WWOX: variants seen among roughly 807,000 people sequenced by gnomAD.
WWOX encodes WW domain containing oxidoreductase, also known as WW domain-containing oxidoreductase.
WWOX carries 69 observed loss-of-function variants against 46.2 expected under a neutral mutation model. The observed-to-expected ratio is 1.49, with a 90% confidence interval of 1.23 to 1.82. The LOEUF (loss-of-function observed/expected upper bound fraction) is 1.82, where lower values mean the gene tolerates loss of function less well. Ranked by LOEUF, WWOX falls within the 40% of genes most tolerant of loss-of-function variation. The pLI, the probability that WWOX is intolerant of heterozygous loss-of-function variation, is 0.00. For missense variants in WWOX, 919 were observed against 542.6 expected, an observed-to-expected ratio of 1.69 and a Z score of -6.89; for synonymous variants, 359 against 202.6, an observed-to-expected ratio of 1.77 and a Z score of -6.56.
intron 8 of WWOX, among the ~76,000 whole-genome samples, chr16:78,622,869 T>A (rs1213610420): frequency 6.6e-6 from 1 of 151,986 alleles, no homozygotes; most frequent in Admixed American, 6.6e-5. Flanking sequence ...AAGGGGAAAA[T>A]CCCTTAAAGA....
chr16:78,268,210 A>G (rs1296363122), intron 5 of WWOX, among the ~76,000 whole-genome samples: 1 of 152,240 alleles, frequency 6.6e-6, no homozygotes, highest in Non-Finnish European at 1.5e-5. Context: ...AAAAGTGGCT[A>G]CAAATAAAAG....
intron 8 of WWOX, chr16:78,897,589 GT>G (rs1423655459): frequency 2.6e-5 from 4 of 152,128 alleles, no homozygotes; most frequent in Admixed American, 6.5e-5. Context: ...TGAGCATTGG[GT>G]TGTTTATATT....
intron 5 of WWOX, among the ~76,000 whole-genome samples, chr16:78,379,908 TG>T (rs1282531382): frequency 3.9e-5 from 6 of 152,236 alleles, no homozygotes; most frequent in Admixed American, 3.9e-4. Context: ...CATGAGACGT[TG>T]CCTTTGAAGT....
intron 8 of WWOX, chr16:78,756,892 T>C: frequency 1.4e-6 from 1 of 703,024 alleles, no homozygotes; most frequent in Non-Finnish European, 2.6e-6. Context: ...GGCTAGACCA[T>C]AAAAATATTG....
chr16:79,153,892 G>A (rs936356905), intron 8 of WWOX, among the ~76,000 whole-genome samples: 2 of 152,110 alleles, frequency 1.3e-5, no homozygotes, highest in Admixed American at 6.5e-5. Context: ...GGCCCCTAAG[G>A]TTTGAAAGCG....
At chr16:79,123,743 G>A (rs1294847889) in intron 8 of WWOX, among the ~76,000 whole-genome samples, 1 of 152,110 alleles carries the variant, frequency 6.6e-6, no homozygotes, top group Non-Finnish European at 1.5e-5. Flanking sequence ...GTGAAATAAT[G>A]CCATTTAAAA....
chr16:78,953,927 G>A (rs1319632496), intron 8 of WWOX, among the ~76,000 whole-genome samples: 2 of 152,146 alleles, frequency 1.3e-5, no homozygotes, highest in Non-Finnish European at 2.9e-5. Flanking sequence ...AATTACTTCA[G>A]TAGTCATTTA....
intron 8 of WWOX, among the ~76,000 whole-genome samples, chr16:78,687,666 A>T (rs567932200): frequency 1.3e-5 from 2 of 152,210 alleles, no homozygotes; most frequent in Non-Finnish European, 2.9e-5. Context: ...AGCCTCTATT[A>T]CACAGTACTA....
chr16:78,837,142 C>A lies in WWOX; in HGVS notation c.1057-374466C>A, dbSNP rs560571820. On this transcript the variant is annotated intron_variant, in intron 8 of 8. Transcript: ENST00000566780. The stretch of plus-strand genomic sequence containing the variant: ...AGAAAAAGAAGAAAAAGAAAAAGAG[C>A]AGGTGGAAACTTAAAAAAATGTTTA... Among the ~76,000 whole-genome samples, 4 of 152,186 alleles carry A rather than the reference C, an allele frequency of 2.6e-5. No homozygotes were observed. The East Asian group carries it at 7.7e-4, about 29-fold the overall frequency.
chr16:78,376,339 A>G (rs914769396), intron 5 of WWOX, among the ~76,000 whole-genome samples: 2 of 152,174 alleles, frequency 1.3e-5, no homozygotes, highest in Non-Finnish European at 1.5e-5. Context: ...CTACAATACT[A>G]TGTTTTTAGG....
chr16:79,026,871 T>C (rs8044395), intron 8 of WWOX, among the ~76,000 whole-genome samples: 116,881 of 148,576 alleles, frequency 0.79, 46,263 homozygotes, highest in East Asian at 0.93. Flanking sequence ...CCTTGTGATC[T>C]GCCCACCTCA....
At chr16:78,644,417 T>C (rs1275815755) in intron 8 of WWOX, among the ~76,000 whole-genome samples, 1 of 152,114 alleles carries the variant, frequency 6.6e-6, no homozygotes, top group African/African-American at 2.4e-5. Context: ...ATGTGGGATA[T>C]ATAGCGTCAG....
intron 8 of WWOX, among the ~76,000 whole-genome samples, chr16:78,523,426 A>G (rs921617245): frequency 2.6e-5 from 4 of 152,210 alleles, no homozygotes; most frequent in Non-Finnish European, 5.9e-5. Flanking sequence ...TAACAATGCC[A>G]TCCGGTAATT....
intron 8 of WWOX, among the ~76,000 whole-genome samples, chr16:79,005,417 T>C (rs1264310695): frequency 6.6e-6 from 1 of 152,214 alleles, no homozygotes; most frequent in Non-Finnish European, 1.5e-5. Context: ...GCGTGCCACG[T>C]ACTAGGTGGC....
rs754297519 is a variant in WWOX, at chr16:78,147,696, TAAAAA to T, written c.410-16479_410-16475del. On this transcript the variant is annotated intron_variant, in intron 4 of 8. Coordinates refer to ENST00000566780, the MANE Select transcript of WWOX (RefSeq NM_016373.4). ...CTTCCTTTTTTTTTTTTTTTTTTTTTAAAAAAAAAAAAGGTGCTTGAATTAGAAAG... is the reference window on the plus strand; with the variant it reads ...CTTCCTTTTTTTTTTTTTTTTTTTTTAAAAAAAGGTGCTTGAATTAGAAAG... Among the ~76,000 whole-genome samples the T allele has an allele frequency of 2.8e-3, 290 of 104,866 alleles. 2 individuals are homozygous for T. Among genetic ancestry groups the T allele is most frequent in the African/African-American group, 7.6e-3 (204 of 26,790 alleles). 68.8% of individuals were successfully genotyped at this position (104,866 alleles called of 152,430 possible).
At chr16:79,133,295 A>G (rs1225415852) in intron 8 of WWOX, among the ~76,000 whole-genome samples, 3 of 152,138 alleles carry the variant, frequency 2.0e-5, no homozygotes, top group Non-Finnish European at 4.4e-5. Flanking sequence ...ACTTTCGTCA[A>G]TGAGACGCCA....
chr16:79,019,799 C>T (rs1180676468), intron 8 of WWOX, among the ~76,000 whole-genome samples: 1 of 152,144 alleles, frequency 6.6e-6, no homozygotes, highest in Non-Finnish European at 1.5e-5. Context: ...CTGCATCAGA[C>T]TCAAAACCCA....
At chr16:78,840,181 C>A (rs867751939) in intron 8 of WWOX, among the ~76,000 whole-genome samples, 1 of 152,152 alleles carries the variant, frequency 6.6e-6, no homozygotes, top group African/African-American at 2.4e-5. Context: ...TCAGTGTGTA[C>A]TTGTGGAATA....
At chr16:78,950,611 T>C (rs771800623) in intron 8 of WWOX, among the ~76,000 whole-genome samples, 1 of 151,708 alleles carries the variant, frequency 6.6e-6, no homozygotes, top group Non-Finnish European at 1.5e-5. Flanking sequence ...ATAAAAAAGA[T>C]TGAACTTAAA....
Sources: allele counts gnomAD v4.1 joint callset (sites outside exome capture counted in the v4.1 genomes callset), GRCh38; gene constraint gnomAD v4.1.1; transcripts MANE v1.5; gene names NCBI Gene and HGNC (gene_info 2026-07-23, HGNC 2026-07-21).